The following NBPF12 variants were observed in gnomAD, a reference collection of about 807,000 sequenced individuals.
NBPF12 encodes the protein NBPF member 12, also known as NBPF family member NBPF12.
NBPF12 carries 115 observed loss-of-function variants against 146.4 expected under a neutral mutation model. That is an observed-to-expected ratio of 0.79 (90% CI 0.68 to 0.92). The LOEUF is 0.92. NBPF12 is among the 40% of genes least tolerant of loss of function. The pLI is 0.00. For synonymous variants in NBPF12, 385 were observed against 508.9 expected, an observed-to-expected ratio of 0.76 and a Z score of 3.28; for missense variants, 1,205 against 1,326.8, an observed-to-expected ratio of 0.91 and a Z score of 1.43.
At chr1:146,962,259 C>G (rs1655894944) in exon 5 of NBPF12, 2 of 1,603,784 alleles carry the variant, frequency 1.2e-6, no homozygotes, top group Non-Finnish European at 1.7e-6. Context: ...AGCTGAGGAG[C>G]TCAGGTGAGG....
At chr1:146,987,432 C>T (rs1657840858) in intron 25 of NBPF12, 147 bp downstream of exon 28, 3 of 634,850 alleles carry the variant, frequency 4.7e-6, no homozygotes, top group Non-Finnish European at 8.4e-6. Context: ...GTTTTCATTG[C>T]AGTAGATATT....
In NBPF12 at chr1:146,989,364, GTCTCTGTCTC is replaced by G. The variant is rs1658000308; in HGVS notation, c.3399-204_3399-195del. 4.2e-5 allele frequency among the ~76,000 whole-genome samples: 6 copies of G among 143,538 alleles called. No individual in the cohort carries two copies. In the Admixed American group the frequency reaches 4.4e-4, roughly 11 times the overall value. The allele number at this position is 143,538 out of a possible 152,430, so 94.2% of individuals were successfully genotyped here. On this transcript the variant is annotated intron_variant, in intron 27 of 33. Transcript: ENST00000617844. ...TGTCTCTGTCTCTGTCTCTGTCTCT[GTCTCTGTCTC>G]TCTCTCTCTGTCTTTCTCTTTCATT...
At chr1:146,963,877 G>T (rs1228440491) in intron 6 of NBPF12, among the ~76,000 whole-genome samples, 4 of 145,614 alleles carry the variant, frequency 2.7e-5, no homozygotes, top group African/African-American at 1.1e-4. Flanking sequence ...TCACACTGGA[G>T]CACTCCCCAT....
rs1553887027 is a variant in NBPF12 at position 146,974,269 on chromosome 1, A to T, written c.1802-470A>T. ...TAAAATCATAACTGAAGATATGATT[A>T]AAAAATCAAAGATTTTTAAAATCTT... On this transcript the variant is annotated intron_variant, in intron 14 of 33. Coordinates refer to ENST00000617844, the Ensembl canonical transcript of NBPF12. Among the ~76,000 whole-genome samples, 49 of 144,858 alleles carry T rather than the reference A, an allele frequency of 3.4e-4. No individual in the cohort carries two copies. In the East Asian group the frequency reaches 8.7e-3, roughly 26 times the overall value.
At chr1:146,955,990 T>C (rs1381778612) in intron 2 of NBPF12, among the ~76,000 whole-genome samples, 15 of 151,766 alleles carry the variant, frequency 9.9e-5, no homozygotes, top group Non-Finnish European at 1.6e-4. Context: ...GCTTCTTTTT[T>C]TTTTTCCTCT....
intron 1 of NBPF12, among the ~76,000 whole-genome samples, chr1:146,950,203 A>G (rs1237337379): frequency 5.9e-5 from 9 of 151,696 alleles, no homozygotes; most frequent in African/African-American, 9.7e-5. Flanking sequence ...TTAGTTCAAC[A>G]TGAAAAATGT....
chr1:146,992,515 T>C (rs1376064581), intron 31 of NBPF12, among the ~76,000 whole-genome samples, 197 bp from the exon 35 acceptor site: 6 of 123,002 alleles, frequency 4.9e-5, no homozygotes, highest in Non-Finnish European at 9.9e-5. Flanking sequence ...TGTGTGTGTC[T>C]ATCTGTCTTT....
chr1:146,978,395 G>A (rs1657184809), intron 18 of NBPF12, among the ~76,000 whole-genome samples: 1 of 145,048 alleles, frequency 6.9e-6, no homozygotes, highest in African/African-American at 2.6e-5. Flanking sequence ...CTCCTGAGTT[G>A]CTGGGACCAC....
intron 5 of NBPF12, 120 bp from the exon 9 acceptor site, chr1:146,962,972 CATG>C: frequency 1.5e-6 from 1 of 670,378 alleles, no homozygotes; most frequent in South Asian, 1.9e-5. Flanking sequence ...TTCCTTTCAA[CATG>C]TGCTGACCTT....
intron 2 of NBPF12, among the ~76,000 whole-genome samples, chr1:146,957,889 A>G (rs1655667705): frequency 2.1e-5 from 1 of 47,596 alleles, no homozygotes. Flanking sequence ...TTATGTATAT[A>G]CACATATATA....
chr1:146,952,882 A>G (rs1231542480), intron 2 of NBPF12, among the ~76,000 whole-genome samples: 2 of 151,048 alleles, frequency 1.3e-5, no homozygotes, highest in Non-Finnish European at 2.9e-5. Flanking sequence ...TCTGTCTATT[A>G]CTTCAGTGGC....
At position 146,969,087 on chromosome 1, in the gene NBPF12, G is replaced by C. The variant is rs1240873393; in HGVS notation, c.1092-295G>C. On this transcript the variant is annotated intron_variant, in intron 10 of 33. Coordinates refer to ENST00000617844, the Ensembl canonical transcript of NBPF12. ...ATGGAAATGTCCATGGCCAGAGTGA[G>C]GAACTGAAAGGATGTCTTTTTGAAA... Among the ~76,000 whole-genome samples, 402 of 151,370 alleles carry C rather than the reference G, an allele frequency of 2.7e-3. 14 individuals are homozygous for C. The highest frequency in any genetic ancestry group is 5.0e-4 in the Non-Finnish European group (34 of 67,950).
exon 22 of NBPF12, chr1:146,984,883 A>C (rs1203042266): frequency 1.9e-6 from 3 of 1,585,906 alleles, no homozygotes; most frequent in African/African-American, 2.7e-5. Flanking sequence ...ATGTTATTCA[A>C]CTCCTTCAGT....
At chr1:146,974,013 G>T (rs1273953060) in intron 14 of NBPF12, among the ~76,000 whole-genome samples, 2 of 150,902 alleles carry the variant, frequency 1.3e-5, no homozygotes, top group East Asian at 1.9e-4. Context: ...TTCCTCACCT[G>T]TTCAGAGGGT....
chr1:146,965,906 G>A (rs1553885583), intron 8 of NBPF12, among the ~76,000 whole-genome samples: 4 of 146,590 alleles, frequency 2.7e-5, no homozygotes, highest in East Asian at 4.2e-4. Context: ...TCAGGAGATC[G>A]AAACCAGCCT....
intron 5 of NBPF12, 87 bp downstream of exon 8, chr1:146,962,350 G>C (rs1570840108): frequency 2.7e-6 from 3 of 1,110,774 alleles, no homozygotes; most frequent in Non-Finnish European, 4.1e-6. Context: ...TAAGAACGAA[G>C]CTGGGCCAGG....
In NBPF12 at chr1:146,971,200, A is replaced by C; in HGVS notation, c.1397A>C (p.Glu466Ala). 9 of 1,611,666 alleles carry C rather than the reference A, an allele frequency of 5.6e-6. 1 individual carries two copies. Among genetic ancestry groups the C allele is most frequent in the Non-Finnish European group, 7.6e-6 (9 of 1,179,756 alleles). ...CTCATCAGGGAGATGCAGAAGGCTG[A>C]AGAAAGCAAAGTCCCTGAGGACTCA... Residue 466 changes from glutamate to alanine, a missense_variant, in exon 13 of 34, where the codon GAA (glutamate) becomes GCA (alanine). Coordinates refer to ENST00000617844, the Ensembl canonical transcript of NBPF12.
chr1:146,972,595 A>G (rs1656723903), intron 13 of NBPF12, among the ~76,000 whole-genome samples, 156 bp from the exon 17 acceptor site: 1 of 151,486 alleles, frequency 6.6e-6, no homozygotes, highest in African/African-American at 2.4e-5. Context: ...AGTTGACTTA[A>G]AGGAGATCAA....
intron 4 of NBPF12, 112 bp downstream of exon 7, chr1:146,960,430 G>A (rs1655776640): frequency 3.3e-6 from 2 of 610,296 alleles, no homozygotes; most frequent in Non-Finnish European, 5.8e-6. Flanking sequence ...TGTACTTCTA[G>A]GAAAACAGAA....
Sources: gnomAD v4.1 joint callset for allele counts (sites outside exome capture counted in the v4.1 genomes callset) on GRCh38, gnomAD v4.1.1 for gene constraint, MANE v1.5 for transcripts, NCBI Gene and HGNC (gene_info 2026-07-23, HGNC 2026-07-21) for gene names.